Variants in MEIS2 observed in about 807,000 individuals in gnomAD.
MEIS2 encodes the protein homeobox protein Meis2.
A neutral mutation model predicts 58.6 loss-of-function variants in MEIS2; 9 were observed. The observed-to-expected ratio is 0.15, with a 90% CI of 0.09 to 0.27. The LOEUF (loss-of-function observed/expected upper bound fraction) is 0.27. MEIS2 is among the 10% of genes least tolerant of loss of function. The pLI, the probability that MEIS2 is intolerant of heterozygous loss-of-function variation, is 1.00. For missense variants in MEIS2, 427 were observed against 635.0 expected, an observed-to-expected ratio of 0.67 and a Z score of 3.52; for synonymous variants, 221 against 228.4, an observed-to-expected ratio of 0.97 and a Z score of 0.29.
Position 36,892,475 on chromosome 15 carries a change from GA to G in MEIS2, c.1148-17del. On this transcript the variant is annotated splice_polypyrimidine_tract_variant and intron_variant, in intron 11 of 11. Transcript: ENST00000561208. ...CTCTGCAAACCTGAAAATAGAGAGG[GA>G]AAAAGAAAGCGGGTCAAATTCCTAA... The G allele has an allele frequency of 6.6e-7, 1 of 1,503,966 alleles. No individual in the cohort carries two copies. The highest frequency in any genetic ancestry group is 1.2e-5 in the South Asian group (1 of 84,826). The allele number at this position is 1,503,966 out of a possible 1,614,324, so 93.2% of individuals were successfully genotyped here.
At chr15:36,979,755 AAC>A (rs1370062258) in intron 8 of MEIS2, among the ~76,000 whole-genome samples, 3 of 147,376 alleles carry the variant, frequency 2.0e-5, no homozygotes, top group African/African-American at 7.4e-5. Flanking sequence ...ATATATATAT[AAC>A]ATATATATAT....
At chr15:36,932,154 G>C (rs1244136721) in intron 9 of MEIS2, among the ~76,000 whole-genome samples, 1 of 152,172 alleles carries the variant, frequency 6.6e-6, no homozygotes, top group Admixed American at 6.5e-5. Flanking sequence ...AACCAAAGCA[G>C]ACTTAATCGC....
At chr15:36,960,177 G>T (rs747495237) in intron 8 of MEIS2, among the ~76,000 whole-genome samples, 1 of 151,992 alleles carries the variant, frequency 6.6e-6, no homozygotes, top group South Asian at 2.1e-4. Flanking sequence ...TGCACTGAAG[G>T]TCTAGTTGGA....
At chr15:36,939,607 A>G (rs549807055) in intron 9 of MEIS2, among the ~76,000 whole-genome samples, 2 of 152,050 alleles carry the variant, frequency 1.3e-5, no homozygotes, top group African/African-American at 4.8e-5. Flanking sequence ...TACCATCTCC[A>G]TGATGTGCCA....
At chr15:36,975,171 G>A (rs376103606) in intron 8 of MEIS2, among the ~76,000 whole-genome samples, 11 of 152,120 alleles carry the variant, frequency 7.2e-5, no homozygotes, top group African/African-American at 2.7e-4. Context: ...TATGTTACCA[G>A]GTATGTATCT....
chr15:37,017,675 G>A lies in MEIS2; in HGVS notation c.900+19139C>T, dbSNP rs141859853. 4.9e-4 allele frequency among the ~76,000 whole-genome samples: 74 copies of A among 152,206 alleles called. 1 individual carries two copies. The South Asian group carries it at 0.012, about 25-fold the overall frequency. On this transcript the variant is annotated intron_variant, in intron 8 of 11. Coordinates refer to ENST00000561208, the MANE Select transcript of MEIS2 (RefSeq NM_170675.5). ...AGCAGACTAAAAAAAGAAAAATACCGCTAACTAAGAGATAGACCAACCACA... is the reference window on the plus strand; with the variant it reads ...AGCAGACTAAAAAAAGAAAAATACCACTAACTAAGAGATAGACCAACCACA...
At chr15:36,966,523 C>T (rs1188582169) in intron 8 of MEIS2, among the ~76,000 whole-genome samples, 2 of 152,106 alleles carry the variant, frequency 1.3e-5, no homozygotes, top group African/African-American at 4.8e-5. Context: ...GAAGGAGATA[C>T]TGAATCACCC....
intron 8 of MEIS2, among the ~76,000 whole-genome samples, chr15:36,966,240 C>T (rs1396321892): frequency 6.6e-6 from 1 of 152,142 alleles, no homozygotes; most frequent in Non-Finnish European, 1.5e-5. Flanking sequence ...CTATTAGCTC[C>T]ACAAGACACC....
At chr15:37,006,529 T>G (rs2141615331) in intron 8 of MEIS2, among the ~76,000 whole-genome samples, 1 of 152,362 alleles carries the variant, frequency 6.6e-6, no homozygotes, top group East Asian at 1.9e-4. Context: ...GCAAGTCTAC[T>G]TTAAATCACT....
At chr15:36,979,456 G>T (rs1226870803) in intron 8 of MEIS2, among the ~76,000 whole-genome samples, 2 of 151,880 alleles carry the variant, frequency 1.3e-5, no homozygotes, top group African/African-American at 4.8e-5. Flanking sequence ...TTGGTGCTTT[G>T]GCGTTTGCCA....
At chr15:36,953,341 A>G (rs939118398) in intron 8 of MEIS2, among the ~76,000 whole-genome samples, 1 of 152,188 alleles carries the variant, frequency 6.6e-6, no homozygotes, top group Non-Finnish European at 1.5e-5. Context: ...TCTTTGATGT[A>G]TATTACTAAA....
At chr15:36,900,228 C>G (rs2056397377) in intron 9 of MEIS2, among the ~76,000 whole-genome samples, 1 of 152,102 alleles carries the variant, frequency 6.6e-6, no homozygotes, top group Non-Finnish European at 1.5e-5. Context: ...TACCAGTAAG[C>G]TTAGTGTCTA....
chr15:36,990,742 G>T (rs1020146953), intron 8 of MEIS2, among the ~76,000 whole-genome samples: 2 of 151,286 alleles, frequency 1.3e-5, no homozygotes, highest in East Asian at 1.9e-4. Flanking sequence ...ATTTTAAAAA[G>T]AAGCAAAAAC....
At chr15:37,081,296 CATT>C (rs1417798894) in intron 7 of MEIS2, among the ~76,000 whole-genome samples, 2 of 152,244 alleles carry the variant, frequency 1.3e-5, no homozygotes, top group East Asian at 3.9e-4. Flanking sequence ...TCCAATGAAA[CATT>C]ATAATATATT....
chr15:36,925,354 T>C (rs2057704385), intron 9 of MEIS2, among the ~76,000 whole-genome samples: 1 of 152,158 alleles, frequency 6.6e-6, no homozygotes, highest in African/African-American at 2.4e-5. Context: ...TTCATGAAGA[T>C]GGAGGGGCGC....
intron 9 of MEIS2, among the ~76,000 whole-genome samples, chr15:36,911,442 G>A (rs1224846287): frequency 6.6e-6 from 1 of 152,140 alleles, no homozygotes; most frequent in Admixed American, 6.6e-5. Context: ...ACACATGCAT[G>A]TAGAAGGTAG....
intron 8 of MEIS2, among the ~76,000 whole-genome samples, chr15:37,022,873 T>C (rs1291226526): frequency 2.6e-5 from 4 of 152,082 alleles, no homozygotes; most frequent in African/African-American, 4.8e-5. Context: ...GCCAGGCTGG[T>C]CTTGAACTCT....
intron 7 of MEIS2, among the ~76,000 whole-genome samples, chr15:37,076,943 G>A (rs1287177163): frequency 6.6e-6 from 1 of 151,902 alleles, no homozygotes; most frequent in Non-Finnish European, 1.5e-5. Flanking sequence ...TGTCTGGTTT[G>A]TTCAATTTAT....
intron 8 of MEIS2, among the ~76,000 whole-genome samples, chr15:37,035,203 C>T (rs981197177): frequency 3.3e-5 from 5 of 152,170 alleles, no homozygotes; most frequent in African/African-American, 1.2e-4. Context: ...AACAAACCTT[C>T]ATTTAAAAAT....
Sources: allele counts gnomAD v4.1 joint callset (sites outside exome capture counted in the v4.1 genomes callset), GRCh38; gene constraint gnomAD v4.1.1; transcripts MANE v1.5; gene names NCBI Gene and HGNC (gene_info 2026-07-23, HGNC 2026-07-21).